The following MROH9 variants were observed in gnomAD, a reference collection of about 807,000 sequenced individuals.
MROH9 encodes maestro heat like repeat family member 9, also known as maestro heat-like repeat-containing protein family member 9.
MROH9 carries 92 observed loss-of-function variants against 98.2 expected under a neutral mutation model. The observed-to-expected ratio is 0.94, with a 90% CI of 0.79 to 1.11. The LOEUF (loss-of-function observed/expected upper bound fraction) is 1.11. Ranked by LOEUF, MROH9 falls within the 50% of genes most tolerant of loss-of-function variation. The pLI, the probability that MROH9 is intolerant of heterozygous loss-of-function variation, is 0.00. For missense variants in MROH9, 1,057 were observed against 1,014.8 expected, an observed-to-expected ratio of 1.04 and a Z score of -0.57; for synonymous variants, 397 against 368.9, an observed-to-expected ratio of 1.08 and a Z score of -0.87.
At chr1:170,987,574 A>T (rs1021256801) in intron 10 of MROH9, among the ~76,000 whole-genome samples, 3 of 152,204 alleles carry the variant, frequency 2.0e-5, no homozygotes, top group African/African-American at 7.2e-5. Context: ...AACATTTTTT[A>T]GTCGTGAGCA....
At position 171,001,931 on chromosome 1, in the gene MROH9, T is replaced by C. The variant is rs114029295; in HGVS notation, c.1596+3657T>C. On this transcript the variant is annotated intron_variant, in intron 15 of 21. Transcript: ENST00000367759. ...TAAATTTGGGAGCTCTAGTATTAGG[T>C]GCAAATATGTTTAGGATTGTGATAT... 1.4e-3 allele frequency among the ~76,000 whole-genome samples: 216 copies of C among 152,268 alleles called. 1 individual carries two copies. The highest frequency in any genetic ancestry group is 5.0e-3 in the African/African-American group (208 of 41,576).
At chr1:171,014,309 T>A in intron 16 of MROH9, 55 bp downstream of exon 16, 1 of 1,477,684 alleles carries the variant, frequency 6.8e-7, no homozygotes, top group Non-Finnish European at 9.2e-7. Flanking sequence ...ATCTGAGATT[T>A]TGATGTCACT....
chr1:170,961,284 G>A (rs1340402331), intron 5 of MROH9, among the ~76,000 whole-genome samples: 2 of 152,024 alleles, frequency 1.3e-5, no homozygotes, highest in African/African-American at 4.8e-5. Flanking sequence ...AAACAGCTAA[G>A]GCAAGAGAAA....
intron 20 of MROH9, among the ~76,000 whole-genome samples, chr1:171,042,873 T>G (rs1320720030): frequency 6.6e-6 from 1 of 152,152 alleles, no homozygotes; most frequent in Non-Finnish European, 1.5e-5. Context: ...ACTCCTTATA[T>G]ATTCTGGTTA....
chr1:171,009,068 A>T (rs1002841194), intron 15 of MROH9, among the ~76,000 whole-genome samples: 2 of 150,914 alleles, frequency 1.3e-5, no homozygotes, highest in African/African-American at 4.8e-5. Context: ...ATATATACTT[A>T]TCTTTTGGAG....
rs117281755 is a variant in MROH9 at position 170,945,759 on chromosome 1, G to A, written c.25+178G>A. ...ACAAAAGTAACCATATATTAGGCTA[G>A]AAATTTCTGTATAAATTCCAGAAAG... On this transcript the variant is annotated intron_variant, in intron 2 of 21. Coordinates refer to ENST00000367759, the MANE Select transcript of MROH9 (RefSeq NM_001163629.2). Among the ~76,000 whole-genome samples the A allele has an allele frequency of 1.8e-4, 27 of 152,052 alleles. No individual in the cohort carries two copies. In the East Asian group the frequency reaches 5.2e-3, roughly 29 times the overall value.
intron 9 of MROH9, among the ~76,000 whole-genome samples, chr1:170,985,897 G>T (rs1651113011): frequency 6.6e-6 from 1 of 152,072 alleles, no homozygotes; most frequent in African/African-American, 2.4e-5. Context: ...TTTAAGGAGA[G>T]TGAAGAAAAA....
chr1:170,942,982 C>T (rs1169976127), intron 1 of MROH9, among the ~76,000 whole-genome samples: 4 of 152,050 alleles, frequency 2.6e-5, no homozygotes, highest in Non-Finnish European at 5.9e-5. Flanking sequence ...TTTACATATA[C>T]TATGCTGGAT....
chr1:170,982,671 CT>C (rs1347931363), intron 8 of MROH9, among the ~76,000 whole-genome samples: 1 of 152,150 alleles, frequency 6.6e-6, no homozygotes, highest in East Asian at 1.9e-4. Flanking sequence ...GGGCAGATTA[CT>C]TGAGCCCAGG....
At chr1:170,953,448 T>G (rs1242366001) in intron 3 of MROH9, among the ~76,000 whole-genome samples, 1 of 152,090 alleles carries the variant, frequency 6.6e-6, no homozygotes, top group Non-Finnish European at 1.5e-5. Flanking sequence ...GGCTGTTTTC[T>G]TCTAAAGGTT....
chr1:170,953,881 A>G (rs1296410502), intron 3 of MROH9, among the ~76,000 whole-genome samples: 13 of 111,874 alleles, frequency 1.2e-4, no homozygotes, highest in Non-Finnish European at 1.5e-4. Flanking sequence ...GAGAGAGAGA[A>G]AGAAAGAAAG....
At chr1:170,946,255 T>C (rs1261767430) in intron 2 of MROH9, among the ~76,000 whole-genome samples, 2 of 151,908 alleles carry the variant, frequency 1.3e-5, no homozygotes, top group African/African-American at 4.8e-5. Context: ...TATTTTTTCC[T>C]CAAACCTATA....
chr1:171,060,239 C>G (rs1653970991), intron 20 of MROH9, among the ~76,000 whole-genome samples: 1 of 152,046 alleles, frequency 6.6e-6, no homozygotes, highest in Admixed American at 6.5e-5. Flanking sequence ...AAATGTTGCA[C>G]AAAATGAATA....
intron 1 of MROH9, among the ~76,000 whole-genome samples, chr1:170,943,271 A>C (rs1251319423): frequency 6.6e-6 from 1 of 152,010 alleles, no homozygotes; most frequent in Non-Finnish European, 1.5e-5. Context: ...GCAGCTCAGG[A>C]AAAAAATGGA....
At position 170,995,386 on chromosome 1, in the gene MROH9, T is replaced by G; in HGVS notation, c.1195-3T>G. The stretch of plus-strand genomic sequence containing the variant: ...TTCTACCTCCTATTTCCTTCCCTTA[T>G]AGGCATGCCAGGCCCTGTGCACCTT... On this transcript the variant is annotated splice_polypyrimidine_tract_variant and splice_region_variant and intron_variant, in intron 12 of 21. Coordinates refer to ENST00000367759, the MANE Select transcript of MROH9 (RefSeq NM_001163629.2). 6.2e-7 allele frequency: 1 copy of G among 1,613,174 alleles called. No homozygotes were observed. Among genetic ancestry groups the G allele is most frequent in the Non-Finnish European group, 8.5e-7 (1 of 1,179,400 alleles).
intron 20 of MROH9, among the ~76,000 whole-genome samples, chr1:171,053,954 G>T (rs1653750238): frequency 6.6e-6 from 1 of 152,076 alleles, no homozygotes; most frequent in Non-Finnish European, 1.5e-5. Flanking sequence ...TGATGGCCAA[G>T]AATTTTCCAA....
intron 16 of MROH9, among the ~76,000 whole-genome samples, chr1:171,014,466 T>A (rs1652263632): frequency 6.6e-6 from 1 of 152,122 alleles, no homozygotes; most frequent in African/African-American, 2.4e-5. Context: ...CTTACTTTTT[T>A]TTTTTTTTTA....
rs142470716 is a variant in MROH9 at position 171,027,234 on chromosome 1, A to G, written c.2281+1814A>G. ...CCCACCTCCCAACAGGCTCTGGTGTATGTTGTTCCCCTCCCTTTGTCCATG... is the reference window on the plus strand; with the variant it reads ...CCCACCTCCCAACAGGCTCTGGTGTGTGTTGTTCCCCTCCCTTTGTCCATG... On this transcript the variant is annotated intron_variant, in intron 20 of 21. Coordinates refer to ENST00000367759, the MANE Select transcript of MROH9 (RefSeq NM_001163629.2). Among the ~76,000 whole-genome samples, 1,119 of 152,140 alleles carry G rather than the reference A, an allele frequency of 7.4e-3. 16 individuals carry two copies. The highest frequency in any genetic ancestry group is 0.025 in the African/African-American group (1,027 of 41,470).
intron 17 of MROH9, among the ~76,000 whole-genome samples, chr1:171,019,093 A>G (rs1652426128): frequency 6.6e-6 from 1 of 152,250 alleles, no homozygotes; most frequent in Non-Finnish European, 1.5e-5. Context: ...CAAATTCAAA[A>G]GAACTGAAAT....
Sources: allele counts gnomAD v4.1 joint callset (sites outside exome capture counted in the v4.1 genomes callset), GRCh38; gene constraint gnomAD v4.1.1; transcripts MANE v1.5; gene names NCBI Gene and HGNC (gene_info 2026-07-23, HGNC 2026-07-21).